The following AUTS2 variants were observed in gnomAD, a reference collection of about 807,000 sequenced individuals.
AUTS2 encodes activator of transcription and developmental regulator AUTS2.
AUTS2 carries 17 observed loss-of-function variants against 112.4 expected under a neutral mutation model. The ratio of observed to expected loss-of-function variants is 0.15; its 90% confidence interval spans 0.10 to 0.23. AUTS2 has a LOEUF of 0.23. AUTS2 is among the 10% of genes least tolerant of loss of function. AUTS2 has a pLI of 1.00. For missense variants in AUTS2, 1,510 were observed against 1,701.6 expected (o/e 0.89, Z 1.98); for synonymous variants, 751 against 702.7 (o/e 1.07, Z -1.09).
intron 4 of AUTS2, among the ~76,000 whole-genome samples, chr7:70,247,321 A>G (rs533175456): frequency 6.6e-6 from 1 of 152,280 alleles, no homozygotes; most frequent in South Asian, 2.1e-4. Flanking sequence ...TGTCAAAGTC[A>G]TAGAGACAGA....
intron 2 of AUTS2, among the ~76,000 whole-genome samples, chr7:70,070,975 T>C (rs1475487403): frequency 6.6e-6 from 1 of 151,894 alleles, no homozygotes; most frequent in Non-Finnish European, 1.5e-5. Flanking sequence ...CACTTGAGAA[T>C]GTGAAGTCTT....
At chr7:69,743,777 T>A (rs2129251936) in intron 1 of AUTS2, among the ~76,000 whole-genome samples, 1 of 152,286 alleles carries the variant, frequency 6.6e-6, no homozygotes, top group South Asian at 2.1e-4. Flanking sequence ...ATAATTATTT[T>A]AAATTTTATC....
At chr7:70,520,914 C>T (rs577970798) in intron 5 of AUTS2, among the ~76,000 whole-genome samples, 5 of 152,212 alleles carry the variant, frequency 3.3e-5, no homozygotes, top group Non-Finnish European at 7.3e-5. Flanking sequence ...GTTTCCCCCA[C>T]GCTTGGAGAA....
intron 2 of AUTS2, among the ~76,000 whole-genome samples, chr7:70,042,684 G>A (rs1281146108): frequency 3.3e-5 from 5 of 152,054 alleles, no homozygotes; most frequent in Non-Finnish European, 5.9e-5. Context: ...AACTTTCTTC[G>A]GGAGAATCTG....
At chr7:70,470,450 A>C (rs1166899727) in intron 5 of AUTS2, among the ~76,000 whole-genome samples, 1 of 152,244 alleles carries the variant, frequency 6.6e-6, no homozygotes, top group Non-Finnish European at 1.5e-5. Flanking sequence ...AAGTCTGCTC[A>C]ATAGAGAGAG....
At chr7:70,326,927 T>TA (rs982248266) in intron 4 of AUTS2, among the ~76,000 whole-genome samples, 2 of 149,068 alleles carry the variant, frequency 1.3e-5, no homozygotes, top group African/African-American at 5.0e-5. Context: ...CTTTTTTTTT[T>TA]TTTTTTTTGT....
intron 4 of AUTS2, among the ~76,000 whole-genome samples, chr7:70,144,633 T>C (rs926489535): frequency 1.3e-5 from 2 of 152,110 alleles, no homozygotes; most frequent in African/African-American, 4.8e-5. Context: ...GGTCCAGAGT[T>C]ACAGAACCTC....
At chr7:70,739,918 G>C (rs1788006435) in intron 6 of AUTS2, among the ~76,000 whole-genome samples, 1 of 152,014 alleles carries the variant, frequency 6.6e-6, no homozygotes, top group South Asian at 2.1e-4. Flanking sequence ...ACAAAAGACA[G>C]CCCTTCAAAT....
intron 2 of AUTS2, among the ~76,000 whole-genome samples, chr7:69,946,375 T>C (rs1449282617): frequency 6.6e-6 from 1 of 152,132 alleles, no homozygotes; most frequent in Non-Finnish European, 1.5e-5. Flanking sequence ...AAATTAAATA[T>C]AGAACTGCCG....
intron 6 of AUTS2, among the ~76,000 whole-genome samples, chr7:70,732,168 A>G (rs991489743): frequency 6.6e-6 from 1 of 152,124 alleles, no homozygotes; most frequent in Non-Finnish European, 1.5e-5. Context: ...ACAGCTTTCA[A>G]AGTGTTTTCT....
chr7:70,426,076 G>C (rs1373465529), intron 4 of AUTS2, among the ~76,000 whole-genome samples: 1 of 152,094 alleles, frequency 6.6e-6, no homozygotes, highest in Non-Finnish European at 1.5e-5. Context: ...TTTCACAGAT[G>C]GTGTACAGTA....
At chr7:70,359,939 G>A (rs1265654457) in intron 4 of AUTS2, among the ~76,000 whole-genome samples, 1 of 152,174 alleles carries the variant, frequency 6.6e-6, no homozygotes, top group Non-Finnish European at 1.5e-5. Flanking sequence ...GAAGGTCTTT[G>A]TCAGTTGCCA....
At chr7:70,255,090 T>TTTTG (rs1786792197) in intron 4 of AUTS2, among the ~76,000 whole-genome samples, 1 of 151,124 alleles carries the variant, frequency 6.6e-6, no homozygotes, top group Non-Finnish European at 1.5e-5. Context: ...TTTTTTTTTT[T>TTTTG]TTTGACGGAG....
chr7:70,781,991 G>C (rs1475964001), intron 15 of AUTS2: 11 of 543,432 alleles, frequency 2.0e-5, no homozygotes, highest in Non-Finnish European at 3.5e-5. Context: ...GATTCACATT[G>C]CTTCGGTTCA....
chr7:70,370,616 G>C (rs1402287549), intron 4 of AUTS2, among the ~76,000 whole-genome samples: 1 of 152,056 alleles, frequency 6.6e-6, no homozygotes, highest in African/African-American at 2.4e-5. Context: ...CTACTTTTTG[G>C]CTGTGATGAA....
At chr7:69,957,118 C>T (rs1157197463) in intron 2 of AUTS2, among the ~76,000 whole-genome samples, 2 of 145,822 alleles carry the variant, frequency 1.4e-5, no homozygotes, top group African/African-American at 5.1e-5. Context: ...TGAAGCAATT[C>T]GCCTGCCTTG....
chr7:69,657,475 T>A (rs1795596717), intron 1 of AUTS2, among the ~76,000 whole-genome samples: 1 of 152,206 alleles, frequency 6.6e-6, no homozygotes, highest in Non-Finnish European at 1.5e-5. Context: ...GGACTTGCCC[T>A]TAAGAGTCGC....
At chr7:70,096,963 C>A (rs1196578864) in intron 2 of AUTS2, among the ~76,000 whole-genome samples, 1 of 152,184 alleles carries the variant, frequency 6.6e-6, no homozygotes, top group Non-Finnish European at 1.5e-5. Flanking sequence ...TGCTATCTTA[C>A]GTTCTCTTTT....
At chr7:70,745,916 G>T (rs1039229442) in intron 6 of AUTS2, among the ~76,000 whole-genome samples, 2 of 152,064 alleles carry the variant, frequency 1.3e-5, no homozygotes, top group Non-Finnish European at 2.9e-5. Flanking sequence ...ACATGTAATT[G>T]TTTATTGAGT....
Sources: gnomAD v4.1 joint callset for allele counts (sites outside exome capture counted in the v4.1 genomes callset) on GRCh38, gnomAD v4.1.1 for gene constraint, MANE v1.5 for transcripts, NCBI Gene and HGNC (gene_info 2026-07-23, HGNC 2026-07-21) for gene names.